The following COL25A1 variants were observed in gnomAD, a reference collection of about 807,000 sequenced individuals.
COL25A1 encodes collagen type XXV alpha 1 chain.
COL25A1 carries 103 observed loss-of-function variants against 128.4 expected under a neutral mutation model. That is an observed-to-expected ratio of 0.80 (90% confidence interval 0.68 to 0.94). The LOEUF (loss-of-function observed/expected upper bound fraction) is 0.94. COL25A1 is among the 40% of genes least tolerant of loss of function. The pLI, the probability that COL25A1 is intolerant of heterozygous loss-of-function variation, is 0.00. For synonymous variants in COL25A1, 279 were observed against 277.2 expected (o/e 1.01, Z -0.06); for missense variants, 745 against 840.0 (o/e 0.89, Z 1.40).
chr4:108,869,560 G>C (rs956075269), intron 19 of COL25A1, among the ~76,000 whole-genome samples: 1 of 152,154 alleles, frequency 6.6e-6, no homozygotes, highest in Non-Finnish European at 1.5e-5. Flanking sequence ...AGGGGAGTTA[G>C]TGCCAGAATA....
At chr4:109,106,913 G>A (rs1404664095) in intron 3 of COL25A1, among the ~76,000 whole-genome samples, 2 of 152,012 alleles carry the variant, frequency 1.3e-5, no homozygotes, top group Non-Finnish European at 2.9e-5. Flanking sequence ...GACTACAGGC[G>A]CAGGCTACCT....
chr4:108,978,593 G>A (rs2125993595), intron 6 of COL25A1, among the ~76,000 whole-genome samples: 1 of 152,106 alleles, frequency 6.6e-6, no homozygotes, highest in Middle Eastern at 3.4e-3. Flanking sequence ...CTAAAGGATA[G>A]GCAGCAATAA....
intron 3 of COL25A1, among the ~76,000 whole-genome samples, chr4:109,094,057 A>G (rs1270698354): frequency 3.4e-4 from 52 of 152,232 alleles, no homozygotes; most frequent in Admixed American, 3.1e-3. Context: ...TTCAATAAAT[A>G]TGTACTGAAT....
intron 3 of COL25A1, among the ~76,000 whole-genome samples, chr4:109,065,167 G>T (rs1269261382): frequency 6.6e-6 from 1 of 152,130 alleles, no homozygotes; most frequent in East Asian, 1.9e-4. Flanking sequence ...AAGTGCTCAG[G>T]GCATGATGCA....
chr4:109,093,024 A>C (rs1765056672), intron 3 of COL25A1, among the ~76,000 whole-genome samples: 2 of 151,990 alleles, frequency 1.3e-5, no homozygotes, highest in Admixed American at 1.3e-4. Flanking sequence ...GTAAAATTAC[A>C]GTCACTTTTT....
chr4:108,984,147 T>C, intron 6 of COL25A1, among the ~76,000 whole-genome samples: 1 of 152,088 alleles, frequency 6.6e-6, no homozygotes, highest in Non-Finnish European at 1.5e-5. Context: ...CCCACCAGAG[T>C]AGCTAGATAC....
chr4:109,108,510 T>C (rs969902052), intron 3 of COL25A1, among the ~76,000 whole-genome samples: 2 of 152,138 alleles, frequency 1.3e-5, no homozygotes, highest in South Asian at 2.1e-4. Flanking sequence ...TGTGTCTTTA[T>C]AGCAGCATGA....
At chr4:109,212,125 T>C (rs1028011158) in intron 3 of COL25A1, among the ~76,000 whole-genome samples, 1 of 152,174 alleles carries the variant, frequency 6.6e-6, no homozygotes, top group Non-Finnish European at 1.5e-5. Flanking sequence ...AATGATGATC[T>C]GGTTATCCAT....
chr4:109,265,652 T>A (rs1781738928), intron 3 of COL25A1, among the ~76,000 whole-genome samples: 1 of 151,358 alleles, frequency 6.6e-6, no homozygotes, highest in African/African-American at 2.4e-5. Flanking sequence ...AGAATCCCAG[T>A]GATGTCAGGA....
intron 11 of COL25A1, among the ~76,000 whole-genome samples, chr4:108,922,622 A>G (rs1745609262): frequency 6.6e-6 from 1 of 152,222 alleles, no homozygotes; most frequent in African/African-American, 2.4e-5. Flanking sequence ...GCATAATCAC[A>G]CAAAATCAGA....
intron 3 of COL25A1, among the ~76,000 whole-genome samples, chr4:109,218,357 G>GTTTTTTTTTGTTTTGTTTTGT (rs1778166160): frequency 1.4e-5 from 1 of 73,530 alleles, no homozygotes; most frequent in East Asian, 5.1e-4. Context: ...GTTTTTTGGG[G>GTTTTTTTTTGTTTTGTTTTGT]TTTTTTTTTT....
In COL25A1 at chr4:108,941,517, GAAAT is replaced by G; in HGVS notation, c.493-84_493-81del. On this transcript the variant is annotated intron_variant, in intron 8 of 37. Coordinates refer to ENST00000399132, the MANE Select transcript of COL25A1 (RefSeq NM_198721.4). ...ATAGACATCAGAAGGCCCCAAGAAA[GAAAT>G]AAAGATATCCACATTAGACTTATAA... is the stretch of plus-strand genomic sequence containing the variant. The G allele has an allele frequency of 6.1e-6, 6 of 981,296 alleles. No individual in the cohort carries two copies. The South Asian group carries it at 7.9e-5, about 13-fold the overall frequency. The allele number at this position is 981,296 out of a possible 1,614,324, so 60.8% of individuals were successfully genotyped here.
In COL25A1 at chr4:108,996,116, A is replaced by C. The variant is rs1383302830; in HGVS notation, c.438+14242T>G. ...ATGACAAGATCAAATTCACACATAAAAATATTAACCTTAAATGTAAATGGG... is the reference window on the plus strand; with the variant it reads ...ATGACAAGATCAAATTCACACATAACAATATTAACCTTAAATGTAAATGGG... On this transcript the variant is annotated intron_variant, in intron 6 of 37. Transcript: ENST00000399132. Among the ~76,000 whole-genome samples the C allele has an allele frequency of 4.6e-5, 7 of 152,162 alleles. No homozygotes were observed. In the East Asian group the frequency reaches 1.4e-3, roughly 29 times the overall value.
chr4:108,831,595 G>A (rs1448378265), intron 32 of COL25A1, among the ~76,000 whole-genome samples: 6 of 151,722 alleles, frequency 4.0e-5, no homozygotes, highest in Non-Finnish European at 2.9e-5. Context: ...GGAAATTGAT[G>A]ACATAATTCC....
chr4:109,229,552 C>A (rs1189325780), intron 3 of COL25A1, among the ~76,000 whole-genome samples: 2 of 152,170 alleles, frequency 1.3e-5, no homozygotes, highest in African/African-American at 4.8e-5. Flanking sequence ...AGACTTCTTG[C>A]ATTTAGGAAT....
rs116030841 is a variant in COL25A1 at position 109,186,180 on chromosome 4, G to A, written c.367+114403C>T. On this transcript the variant is annotated intron_variant, in intron 3 of 37. Transcript: ENST00000399132. The stretch of plus-strand genomic sequence containing the variant: ...TGGAAATCTCCTTCCCATGGACCAC[G>A]TGCTGACTGCTGTGCTTTAGAGAAA... Among the ~76,000 whole-genome samples the A allele has an allele frequency of 7.1e-3, 1,079 of 152,140 alleles. 16 individuals are homozygous for A. The highest frequency in any genetic ancestry group is 0.024 in the African/African-American group (992 of 41,538).
At position 109,083,546 on chromosome 4, in the gene COL25A1, T is replaced by G. The variant is rs565827592; in HGVS notation, c.368-33367A>C. Among the ~76,000 whole-genome samples the G allele has an allele frequency of 9.4e-3, 1,227 of 130,096 alleles. 4 individuals carry two copies. The highest frequency in any genetic ancestry group is 0.014 in the Non-Finnish European group (890 of 64,054). The allele number at this position is 130,096 out of a possible 152,430, so 85.3% of individuals were successfully genotyped here. On this transcript the variant is annotated intron_variant, in intron 3 of 37. Coordinates refer to ENST00000399132, the MANE Select transcript of COL25A1 (RefSeq NM_198721.4). ...GGCGCGATCTCGACTCACTGCAAGCTCCGCCTCCCGGGTTCACGCCATTCT... is the reference window on the plus strand; with the variant it reads ...GGCGCGATCTCGACTCACTGCAAGCGCCGCCTCCCGGGTTCACGCCATTCT...
chr4:109,288,328 C>T lies in COL25A1; in HGVS notation c.367+12255G>A, dbSNP rs139590036. Among the ~76,000 whole-genome samples the T allele has an allele frequency of 2.0e-5, 3 of 152,236 alleles. No homozygotes were observed. In the East Asian group the frequency reaches 5.8e-4, roughly 29 times the overall value. ...AAATACAGTAATGGAGTTGGTATAA[C>T]ATGCTCTGTTTGCTCTGTTGCTAAA... On this transcript the variant is annotated intron_variant, in intron 3 of 37. Coordinates refer to ENST00000399132, the MANE Select transcript of COL25A1 (RefSeq NM_198721.4).
intron 3 of COL25A1, among the ~76,000 whole-genome samples, chr4:109,083,045 T>A (rs958074736): frequency 6.6e-5 from 10 of 152,186 alleles, no homozygotes; most frequent in African/African-American, 2.4e-4. Flanking sequence ...ATTTCTAAAA[T>A]AAAACTTTGT....
Sources: allele counts gnomAD v4.1 joint callset (sites outside exome capture counted in the v4.1 genomes callset), GRCh38; gene constraint gnomAD v4.1.1; transcripts MANE v1.5; gene names NCBI Gene and HGNC (gene_info 2026-07-23, HGNC 2026-07-21).